Variants in OSBPL8 observed in about 807,000 individuals in gnomAD.
OSBPL8 encodes oxysterol-binding protein-related protein 8.
OSBPL8 carries 59 observed loss-of-function variants against 125.5 expected under a neutral mutation model. The ratio of observed to expected loss-of-function variants is 0.47; its 90% CI spans 0.38 to 0.58. OSBPL8 has a LOEUF of 0.58. OSBPL8 is among the 20% of genes least tolerant of loss of function. The pLI, the probability that OSBPL8 is intolerant of heterozygous loss-of-function variation, is 0.00. For missense variants in OSBPL8, 758 were observed against 1,047.8 expected (o/e 0.72, Z 3.82); for synonymous variants, 330 against 338.9 (o/e 0.97, Z 0.29).
intron 1 of OSBPL8, among the ~76,000 whole-genome samples, chr12:76,553,407 T>A (rs1950998746): frequency 6.6e-6 from 1 of 150,444 alleles, no homozygotes; most frequent in Admixed American, 6.7e-5. Flanking sequence ...CTCACATCTA[T>A]AATCCCAGCA....
intron 7 of OSBPL8, among the ~76,000 whole-genome samples, chr12:76,399,416 A>T (rs1439380882): frequency 5.3e-5 from 8 of 152,236 alleles, no homozygotes. Context: ...GTCTGGAAAC[A>T]GCAATGTGTG....
At chr12:76,489,612 G>A (rs1055317613) in intron 1 of OSBPL8, among the ~76,000 whole-genome samples, 1 of 152,196 alleles carries the variant, frequency 6.6e-6, no homozygotes, top group African/African-American at 2.4e-5. Context: ...TGAGACTACT[G>A]CTAAGAAACA....
chr12:76,545,436 T>C (rs984742603), intron 1 of OSBPL8, among the ~76,000 whole-genome samples: 6 of 152,210 alleles, frequency 3.9e-5, no homozygotes, highest in African/African-American at 1.4e-4. Flanking sequence ...TGCCCAGTTT[T>C]CTACAAGTAA....
rs190479370 is a variant in OSBPL8 at position 76,458,345 on chromosome 12, T to C, written c.79+1514A>G. 2.2e-3 allele frequency among the ~76,000 whole-genome samples: 327 copies of C among 152,092 alleles called. 1 individual carries two copies. The highest frequency in any genetic ancestry group is 4.0e-3 in the Non-Finnish European group (269 of 67,996). ...TTTTAAGATTTCTACCTCCTAATGA[T>C]GATTGTATAATAAATAATATTTATA... is the stretch of plus-strand genomic sequence containing the variant. On this transcript the variant is annotated intron_variant, in intron 3 of 23. Coordinates refer to ENST00000261183, the MANE Select transcript of OSBPL8 (RefSeq NM_020841.5).
chr12:76,489,357 C>T (rs1435119402), intron 1 of OSBPL8, among the ~76,000 whole-genome samples: 2 of 152,194 alleles, frequency 1.3e-5, no homozygotes, highest in Non-Finnish European at 2.9e-5. Flanking sequence ...ACTTTCATAT[C>T]TAGAGAGGAG....
intron 3 of OSBPL8, 134 bp downstream of exon 3, chr12:76,459,725 T>C (rs1316127003): frequency 2.0e-6 from 2 of 1,012,066 alleles, no homozygotes; most frequent in East Asian, 5.0e-5. Flanking sequence ...TTCTTTACTT[T>C]ATATTTCAAT....
At position 76,476,515 on chromosome 12, in the gene OSBPL8, C is replaced by T. The variant is rs1009948982; in HGVS notation, c.42+10995G>A. Among the ~76,000 whole-genome samples the T allele has an allele frequency of 5.9e-5, 9 of 151,980 alleles. No individual in the cohort carries two copies. In the South Asian group the frequency reaches 6.2e-4, roughly 11 times the overall value. ...TTATAGAGAAATAAAATATAGTAGA[C>T]TTGAAAAGCAAAATGAATATGATCC... On this transcript the variant is annotated intron_variant, in intron 2 of 23. Transcript: ENST00000261183.
At chr12:76,550,438 T>C (rs1950903268) in intron 1 of OSBPL8, among the ~76,000 whole-genome samples, 1 of 152,158 alleles carries the variant, frequency 6.6e-6, no homozygotes, top group African/African-American at 2.4e-5. Flanking sequence ...AGACAACCTG[T>C]GGACATGACA....
chr12:76,540,333 C>T (rs748565156), intron 1 of OSBPL8, among the ~76,000 whole-genome samples: 2 of 152,016 alleles, frequency 1.3e-5, no homozygotes, highest in Non-Finnish European at 2.9e-5. Flanking sequence ...TCTCTTGAGT[C>T]TAAGTCTAAG....
intron 2 of OSBPL8, among the ~76,000 whole-genome samples, chr12:76,483,128 C>T (rs34877231): frequency 0.2 from 30,964 of 151,844 alleles, 3,402 homozygotes; most frequent in Non-Finnish European, 0.26. Context: ...GGCATGGTGG[C>T]GCTCGCCTGT....
At chr12:76,404,046 G>A (rs746853520) in intron 5 of OSBPL8, among the ~76,000 whole-genome samples, 6 of 152,172 alleles carry the variant, frequency 3.9e-5, no homozygotes, top group Non-Finnish European at 7.4e-5. Context: ...TGAACCAGAA[G>A]GGAAATGCAA....
chr12:76,494,863 T>G (rs182344093), intron 1 of OSBPL8, among the ~76,000 whole-genome samples: 19 of 152,216 alleles, frequency 1.2e-4, no homozygotes, highest in African/African-American at 4.6e-4. Flanking sequence ...AAAAAAGAGA[T>G]CTGAGCTGGA....
intron 21 of OSBPL8, among the ~76,000 whole-genome samples, chr12:76,361,370 T>C (rs1180539004): frequency 6.6e-6 from 1 of 152,166 alleles, no homozygotes; most frequent in African/African-American, 2.4e-5. Context: ...GGACCTTGTT[T>C]TTCACATCAC....
chr12:76,529,400 A>G (rs1262937981), intron 1 of OSBPL8, among the ~76,000 whole-genome samples: 1 of 152,148 alleles, frequency 6.6e-6, no homozygotes, highest in African/African-American at 2.4e-5. Flanking sequence ...CTTAGAAGGT[A>G]TGTCAGATTA....
chr12:76,387,702 T>C (rs987934202), intron 12 of OSBPL8, among the ~76,000 whole-genome samples: 4 of 152,144 alleles, frequency 2.6e-5, no homozygotes, highest in Admixed American at 2.0e-4. Flanking sequence ...AGATGAGATG[T>C]GAGACAGAAG....
At chr12:76,369,880 T>C (rs1033428128) in intron 19 of OSBPL8, 58 bp from the exon 20 acceptor site, 3 of 1,462,568 alleles carry the variant, frequency 2.1e-6, no homozygotes, top group African/African-American at 1.4e-5. Flanking sequence ...ATAAAATCTA[T>C]ATAGAATAGG....
intron 17 of OSBPL8, 199 bp from the exon 18 acceptor site, chr12:76,373,632 G>A (rs1952702900): frequency 3.0e-5 from 14 of 470,852 alleles, no homozygotes; most frequent in Non-Finnish European, 4.8e-5. Flanking sequence ...AAAAAAATAG[G>A]ATAAAACAAG....
chr12:76,509,588 A>G (rs1386126735), intron 1 of OSBPL8, among the ~76,000 whole-genome samples: 1 of 152,220 alleles, frequency 6.6e-6, no homozygotes, highest in African/African-American at 2.4e-5. Context: ...GAGTATACTA[A>G]TATTTTGGCA....
chr12:76,380,528 CAAAA>C (rs3038514), intron 15 of OSBPL8, among the ~76,000 whole-genome samples: 1 of 89,264 alleles, frequency 1.1e-5, no homozygotes, highest in Non-Finnish European at 2.1e-5. Context: ...GACACTGTCC[CAAAA>C]AAAAAAAAAA....
Sources: allele counts gnomAD v4.1 joint callset (sites outside exome capture counted in the v4.1 genomes callset), GRCh38; gene constraint gnomAD v4.1.1; transcripts MANE v1.5; gene names NCBI Gene and HGNC (gene_info 2026-07-23, HGNC 2026-07-21).